ADCY9: variants seen among roughly 807,000 people sequenced by gnomAD.
ADCY9 encodes adenylate cyclase type 9.
In ADCY9, 50 loss-of-function variants were observed where a neutral mutation model predicts 101.5. The observed-to-expected ratio is 0.49, with a 90% CI of 0.39 to 0.62. The LOEUF (loss-of-function observed/expected upper bound fraction) is 0.62, where lower values mean the gene tolerates loss of function less well. Among genes scored for constraint, ADCY9 ranks in the 20% least tolerant of loss-of-function variants. The pLI is 0.00. For missense variants in ADCY9, 1,662 were observed against 1,800.4 expected, an observed-to-expected ratio of 0.92 and a Z score of 1.39; for synonymous variants, 905 against 769.3, an observed-to-expected ratio of 1.18 and a Z score of -2.92.
intron 5 of ADCY9, among the ~76,000 whole-genome samples, chr16:3,989,361 C>A (rs1167262836): frequency 7.3e-6 from 1 of 136,472 alleles, no homozygotes; most frequent in African/African-American, 2.5e-5. Context: ...CACACATCAT[C>A]AGAACCTTGG....
intron 5 of ADCY9, among the ~76,000 whole-genome samples, chr16:3,957,168 G>A (rs923774496): frequency 9.2e-5 from 14 of 152,100 alleles, no homozygotes; most frequent in African/African-American, 3.1e-4. Context: ...CTGTAATACC[G>A]CGCTCTGTTT....
intron 2 of ADCY9, among the ~76,000 whole-genome samples, chr16:4,025,030 AG>A (rs2056504693): frequency 6.7e-6 from 1 of 149,650 alleles, no homozygotes; most frequent in Non-Finnish European, 1.5e-5. Flanking sequence ...TTGAACGGCC[AG>A]GGAAGTGGGC....
At chr16:4,041,213 T>C (rs2056624471) in intron 2 of ADCY9, among the ~76,000 whole-genome samples, 1 of 152,124 alleles carries the variant, frequency 6.6e-6, no homozygotes, top group Non-Finnish European at 1.5e-5. Context: ...TCTAAAGAGC[T>C]AGACTTGGGC....
Position 4,113,835 on chromosome 16 carries a change from T to C in ADCY9, c.1608A>G (p.Ala536=). The change falls in exon 2 of 11, where the codon GCA becomes GCG. Residue 536 remains alanine, a synonymous_variant. Coordinates refer to ENST00000294016, the MANE Select transcript of ADCY9 (RefSeq NM_001116.4). ...TTTCGTACCGGTCATCTAAGTATTT[T>C]GCGGTGGCCTCAGAAATGTGAACTT... The part of the protein sequence containing the change: ...AGKVHISEAT[A]KYLDDRYEME... 1 of 1,614,206 alleles carries C rather than the reference T, an allele frequency of 6.2e-7. No individual in the cohort carries two copies. The highest frequency in any genetic ancestry group is 8.5e-7 in the Non-Finnish European group (1 of 1,180,038).
In ADCY9 at chr16:3,992,510, CT is replaced by C. The variant is rs1456862403; in HGVS notation, c.1990-148del. ...TGACCTGCGAGGAACCCCCACCCCCCTGCGCCTACAGACCTGCTCCAATCCC... is the reference window on the plus strand; with the variant it reads ...TGACCTGCGAGGAACCCCCACCCCCCGCGCCTACAGACCTGCTCCAATCCC... On this transcript the variant is annotated intron_variant, in intron 4 of 10. Transcript: ENST00000294016. The surrounding 1 kb of genome is among the most constrained non-coding windows in gnomAD (Gnocchi z 4.2). 5 of 709,698 alleles carry C rather than the reference CT, an allele frequency of 7.0e-6. No individual in the cohort carries two copies. Among genetic ancestry groups the C allele is most frequent in the Non-Finnish European group, 2.3e-6 (1 of 431,464 alleles). 44.0% of individuals were successfully genotyped at this position (709,698 alleles called of 1,614,324 possible). A position where few individuals can be genotyped will look rare whatever the true frequency, so the allele number is the denominator to read the frequency against.
intron 2 of ADCY9, among the ~76,000 whole-genome samples, chr16:4,040,082 T>C (rs184205919): frequency 2.1e-4 from 32 of 152,186 alleles, no homozygotes; most frequent in African/African-American, 6.7e-4. Flanking sequence ...GAGAAGACCA[T>C]TGAGCTTAAC....
chr16:4,057,524 C>T (rs2056747993), intron 2 of ADCY9, among the ~76,000 whole-genome samples: 2 of 152,066 alleles, frequency 1.3e-5, no homozygotes, highest in African/African-American at 4.8e-5. Context: ...TGTTTCTTTC[C>T]CAACACCAGC....
intron 2 of ADCY9, among the ~76,000 whole-genome samples, chr16:4,079,607 T>A (rs1251934640): frequency 6.6e-6 from 1 of 152,188 alleles, no homozygotes; most frequent in East Asian, 1.9e-4. Flanking sequence ...AAGATGTACA[T>A]ACAGATTTAA....
chr16:4,044,923 C>T (rs55870146), intron 2 of ADCY9, among the ~76,000 whole-genome samples: 3,991 of 152,246 alleles, frequency 0.026, 78 homozygotes, highest in South Asian at 0.092. Context: ...AACGGGCTCC[C>T]GGCTCCCGCA....
intron 2 of ADCY9, among the ~76,000 whole-genome samples, chr16:4,024,075 T>G (rs1264577202): frequency 6.6e-6 from 1 of 151,792 alleles, no homozygotes; most frequent in Non-Finnish European, 1.5e-5. Flanking sequence ...CAGGCTGGAG[T>G]GCAATGACAC....
chr16:4,038,589 G>A (rs185469206), intron 2 of ADCY9, among the ~76,000 whole-genome samples: 41 of 152,194 alleles, frequency 2.7e-4, no homozygotes, highest in Admixed American at 1.1e-3. Flanking sequence ...GCAGTAAAAC[G>A]GACTGAGATA....
At position 3,974,651 on chromosome 16, in the gene ADCY9, G is replaced by A. The variant is rs2056078984; in HGVS notation, c.2870+18C>T. 2 of 1,605,106 alleles carry A rather than the reference G, an allele frequency of 1.2e-6. 1 individual carries two copies. On this transcript the variant is annotated intron_variant, in intron 10 of 10. Coordinates refer to ENST00000294016, the MANE Select transcript of ADCY9 (RefSeq NM_001116.4). The stretch of plus-strand genomic sequence containing the variant: ...CACTCTCGTTTATTCAGACAGAAGT[G>A]CAATATTAAAAGCTTACCTGAAATT...
intron 3 of ADCY9, among the ~76,000 whole-genome samples, chr16:4,002,414 G>C (rs1440325363): frequency 6.6e-6 from 1 of 152,172 alleles, no homozygotes; most frequent in Non-Finnish European, 1.5e-5. Flanking sequence ...GTCACAAAAG[G>C]ATGGTTCCTG....
At position 4,114,871 on chromosome 16, in the gene ADCY9, T is replaced by C. The variant is rs1166486146; in HGVS notation, c.572A>G (p.Gln191Arg). Residue 191 changes from glutamine (Q) to arginine (R), a missense_variant, in exon 2 of 11, where the codon CAG becomes CGG. Transcript: ENST00000294016. This position sits in a 1 kb window ranked among gnomAD's most constrained non-coding sequence, Gnocchi z 4.3. ...TGAGACAGGCGTCAAGACCTGGAAC[T>C]GCGCAGCCAGGGTCAGGGCGAACAC... ...LLVFALTLAA[Q>R]FQVLTPVSGR... The C allele has an allele frequency of 6.2e-7, 1 of 1,613,714 alleles. No homozygotes were observed. Among genetic ancestry groups the C allele is most frequent in the East Asian group, 2.2e-5 (1 of 44,888 alleles).
chr16:3,989,113 A>C lies in ADCY9; in HGVS notation c.2208-17T>G, dbSNP rs1399414664. On this transcript the variant is annotated splice_polypyrimidine_tract_variant and intron_variant, in intron 5 of 10. Coordinates refer to ENST00000294016, the MANE Select transcript of ADCY9 (RefSeq NM_001116.4). ...TTCATCAGGCTAGAAGACACAACAA[A>C]TGCAGTCGATCAATACCCAGCACCA... 1.3e-6 allele frequency: 2 copies of C among 1,564,326 alleles called. No homozygotes were observed. The highest frequency in any genetic ancestry group is 1.4e-5 in the African/African-American group (1 of 73,802).
At chr16:4,044,723 T>C (rs2056650615) in intron 2 of ADCY9, among the ~76,000 whole-genome samples, 1 of 152,204 alleles carries the variant, frequency 6.6e-6, no homozygotes, top group African/African-American at 2.4e-5. Flanking sequence ...GTGTCACTTC[T>C]GAACCATTAT....
intron 2 of ADCY9, among the ~76,000 whole-genome samples, chr16:4,027,835 C>T (rs1178712818): frequency 6.6e-6 from 1 of 151,566 alleles, no homozygotes; most frequent in Non-Finnish European, 1.5e-5. Context: ...CAAGATCATG[C>T]CATTGCACTC....
chr16:4,056,626 A>G (rs111884229), intron 2 of ADCY9, among the ~76,000 whole-genome samples: 546 of 152,268 alleles, frequency 3.6e-3, no homozygotes, highest in African/African-American at 0.012. Context: ...GCAGAATTCT[A>G]ACCTCAAAAC....
intron 2 of ADCY9, among the ~76,000 whole-genome samples, chr16:4,099,712 A>G (rs1239205254): frequency 1.3e-5 from 2 of 152,210 alleles, no homozygotes; most frequent in Non-Finnish European, 2.9e-5. Context: ...CTAAAATCCA[A>G]GAGTTTATAT....
Sources: gnomAD v4.1 joint callset for allele counts (sites outside exome capture counted in the v4.1 genomes callset) on GRCh38, gnomAD v4.1.1 for gene constraint, Gnocchi (gnomAD v3.1) non-coding constraint, MANE v1.5 for transcripts, NCBI Gene and HGNC (gene_info 2026-07-23, HGNC 2026-07-21) for gene names.